BICDL1: variants seen among roughly 807,000 people sequenced by gnomAD.
BICDL1 encodes BICD family-like cargo adapter 1.
Under a neutral mutation model 76.8 loss-of-function variants are expected in BICDL1, and 20 were observed. The observed-to-expected ratio is 0.26, with a 90% CI of 0.18 to 0.38. The LOEUF (loss-of-function observed/expected upper bound fraction) is 0.38. Ranked by LOEUF, BICDL1 falls within the 10% of genes least tolerant of loss-of-function variation. The pLI is 1.00. For synonymous variants in BICDL1, 383 were observed against 337.1 expected (o/e 1.14, Z -1.49); for missense variants, 700 against 798.6 (o/e 0.88, Z 1.49).
intron 2 of BICDL1, among the ~76,000 whole-genome samples, chr12:120,054,161 C>T (rs1952925860): frequency 6.6e-6 from 1 of 151,828 alleles, no homozygotes; most frequent in Admixed American, 6.6e-5. Flanking sequence ...CAACCTCCAC[C>T]TCCCGGGTTC....
intron 2 of BICDL1, among the ~76,000 whole-genome samples, chr12:120,054,056 A>G (rs2138864948): frequency 6.8e-6 from 1 of 147,680 alleles, no homozygotes; most frequent in Non-Finnish European, 1.5e-5. Flanking sequence ...GGCACCTATA[A>G]TCCCAAAAAA....
intron 2 of BICDL1, among the ~76,000 whole-genome samples, chr12:120,028,425 A>T (rs762008894): frequency 2.2e-4 from 34 of 152,076 alleles, no homozygotes; most frequent in Non-Finnish European, 4.0e-4. Flanking sequence ...CTGTACTCTC[A>T]GCACCTTGAG....
At chr12:120,033,836 G>A (rs1952480050) in intron 2 of BICDL1, among the ~76,000 whole-genome samples, 2 of 152,142 alleles carry the variant, frequency 1.3e-5, no homozygotes, top group Non-Finnish European at 2.9e-5. Context: ...GCCAGAAGAT[G>A]TGCACTTCTG....
chr12:120,021,966 TA>T (rs1216722581), intron 2 of BICDL1, among the ~76,000 whole-genome samples: 6 of 148,152 alleles, frequency 4.0e-5, no homozygotes, highest in Non-Finnish European at 3.0e-5. Context: ...AAATAAAATA[TA>T]AAAAAATAAA....
At chr12:120,092,173 T>C (rs1198144251) in intron 9 of BICDL1, 1 of 985,304 alleles carries the variant, frequency 1.0e-6, no homozygotes, top group Non-Finnish European at 1.2e-6. Context: ...AGAGTCAGAA[T>C]CTAGCCACCA....
chr12:120,062,644 A>G (rs976438025), intron 3 of BICDL1, among the ~76,000 whole-genome samples: 10 of 152,278 alleles, frequency 6.6e-5, no homozygotes, highest in Middle Eastern at 3.4e-3. Context: ...TGCTCGGTAA[A>G]TGACCTGAGG....
intron 9 of BICDL1, chr12:120,092,622 G>T (rs548375482): frequency 1.0e-6 from 1 of 985,448 alleles, no homozygotes; most frequent in East Asian, 1.1e-4. Flanking sequence ...AAGCCAAACC[G>T]GAGGCACCAG....
At chr12:120,077,977 C>A (rs78564873) in intron 7 of BICDL1, among the ~76,000 whole-genome samples, 36 of 152,322 alleles carry the variant, frequency 2.4e-4, no homozygotes, top group Admixed American at 5.9e-4. Context: ...TTCCCTCTTG[C>A]CCCCTTTGCT....
intron 8 of BICDL1, among the ~76,000 whole-genome samples, chr12:120,081,260 G>A (rs1420953551): frequency 1.3e-5 from 2 of 149,760 alleles, no homozygotes; most frequent in African/African-American, 4.9e-5. Flanking sequence ...TAGGTGTGTA[G>A]GCAATGTAGT....
At position 120,093,126 on chromosome 12, in the gene BICDL1, G is replaced by A; in HGVS notation, c.1831G>A (p.Gly611Ser). 1 of 1,613,160 alleles carries A rather than the reference G, an allele frequency of 6.2e-7. No individual in the cohort carries two copies. The highest frequency in any genetic ancestry group is 8.5e-7 in the Non-Finnish European group (1 of 1,179,480). The part of the protein sequence containing the change: ...GRGDEPSIAE[G>S]KRLFSFFRKI ...GGGGGATGAGCCCAGCATCGCTGAA[G>A]GCAAACGACTCTTCTCATTCTTCAG... The change falls in exon 10 of 10, where the codon GGC becomes AGC. Residue 611 changes from glycine to serine, a missense_variant. Gly to Ser is a moderately conservative substitution (Grantham distance 56). Transcript: ENST00000548673.
At chr12:120,058,816 C>T (rs911613489) in intron 2 of BICDL1, among the ~76,000 whole-genome samples, 1 of 151,890 alleles carries the variant, frequency 6.6e-6, no homozygotes, top group Non-Finnish European at 1.5e-5. Context: ...GTCTCAAACT[C>T]CTTACCTCAG....
intron 2 of BICDL1, among the ~76,000 whole-genome samples, chr12:120,013,105 G>A (rs1325166175): frequency 6.6e-6 from 1 of 152,158 alleles, no homozygotes; most frequent in Non-Finnish European, 1.5e-5. Context: ...AAGGTCAGGA[G>A]TTCAAGACCA....
rs1594209069 is a variant in BICDL1, at chr12:120,079,613, A to G, written c.1453-1274A>G. Among the ~76,000 whole-genome samples, 1 of 152,344 alleles carries G rather than the reference A, an allele frequency of 6.6e-6. No individual in the cohort carries two copies. Among genetic ancestry groups the G allele is most frequent in the Admixed American group, 6.5e-5 (1 of 15,302 alleles). On this transcript the variant is annotated intron_variant, in intron 7 of 9. Coordinates refer to ENST00000548673, the MANE Select transcript of BICDL1 (RefSeq NM_001367886.1). This position sits in a 1 kb window ranked among gnomAD's most constrained non-coding sequence, Gnocchi z 4.3. Reference sequence around the variant, plus strand: ...GAGAAGAAGGGGCTCCCACCCTTTCATTATTCAATAAATATTTATTGAAAG... The same window carrying G: ...GAGAAGAAGGGGCTCCCACCCTTTCGTTATTCAATAAATATTTATTGAAAG...
intron 2 of BICDL1, among the ~76,000 whole-genome samples, chr12:120,002,905 C>T (rs1951784815): frequency 6.6e-6 from 1 of 152,112 alleles, no homozygotes; most frequent in Non-Finnish European, 1.5e-5. Flanking sequence ...GCCTGTAATC[C>T]CAGCACTTTG....
chr12:120,080,676 G>T, intron 7 of BICDL1: 1 of 435,674 alleles, frequency 2.3e-6, no homozygotes, highest in East Asian at 4.2e-5. Flanking sequence ...CAGCTCCCTT[G>T]CTGCCGAGCT....
intron 2 of BICDL1, among the ~76,000 whole-genome samples, chr12:120,051,858 C>G (rs969088412): frequency 1.3e-5 from 2 of 152,152 alleles, no homozygotes; most frequent in African/African-American, 4.8e-5. Context: ...GAATCCGGTT[C>G]AGGCTTCCAT....
intron 2 of BICDL1, among the ~76,000 whole-genome samples, chr12:120,039,907 T>C (rs1952604321): frequency 6.6e-6 from 1 of 152,162 alleles, no homozygotes. Context: ...GGCTAATCCA[T>C]ATTAGCATTA....
chr12:119,999,350 ATTACT>A (rs956521060), intron 2 of BICDL1, among the ~76,000 whole-genome samples: 67 of 152,336 alleles, frequency 4.4e-4, no homozygotes, highest in African/African-American at 1.6e-3. Context: ...AAAGTCTGTG[ATTACT>A]TTACCTATGA....
At chr12:120,019,611 T>G (rs1952138148) in intron 2 of BICDL1, among the ~76,000 whole-genome samples, 1 of 152,126 alleles carries the variant, frequency 6.6e-6, no homozygotes, top group Admixed American at 6.6e-5. Flanking sequence ...ATCGTTTTTG[T>G]TAGTTTGTTT....
Sources: allele counts gnomAD v4.1 joint callset (sites outside exome capture counted in the v4.1 genomes callset), GRCh38; gene constraint gnomAD v4.1.1; non-coding constraint Gnocchi (gnomAD v3.1); transcripts MANE v1.5; gene names NCBI Gene and HGNC (gene_info 2026-07-23, HGNC 2026-07-21).